Variants in SPAG17 observed in about 807,000 individuals in gnomAD.
SPAG17 encodes sperm-associated antigen 17.
A neutral mutation model predicts 273.6 loss-of-function variants in SPAG17; 169 were observed. That is an observed-to-expected ratio of 0.62 (90% CI 0.55 to 0.70). The LOEUF (loss-of-function observed/expected upper bound fraction) is 0.70, where lower values mean the gene tolerates loss of function less well. SPAG17 is among the 30% of genes least tolerant of loss of function. SPAG17 has a pLI of 0.00. For synonymous variants in SPAG17, 825 were observed against 873.2 expected (o/e 0.94, Z 0.97); for missense variants, 2,557 against 2,627.8 (o/e 0.97, Z 0.59).
chr1:118,092,183 G>T (rs1655419707), intron 8 of SPAG17, among the ~76,000 whole-genome samples, 181 bp from the exon 9 acceptor site: 1 of 152,144 alleles, frequency 6.6e-6, no homozygotes, highest in Admixed American at 6.5e-5. Context: ...AGGAAAGAAG[G>T]TAATGGTATA....
intron 20 of SPAG17, among the ~76,000 whole-genome samples, chr1:118,044,291 C>T (rs1650100000): frequency 6.6e-6 from 1 of 152,170 alleles, no homozygotes. Context: ...TCGAGACCAG[C>T]CTGGCCAACA....
chr1:118,041,748 C>A, intron 21 of SPAG17, 55 bp downstream of exon 21: 2 of 1,563,180 alleles, frequency 1.3e-6, no homozygotes, highest in Non-Finnish European at 1.7e-6. Context: ...CCGTATTTTC[C>A]CAAAACAATT....
chr1:118,155,921 A>G (rs1659624564), intron 1 of SPAG17, among the ~76,000 whole-genome samples: 1 of 152,180 alleles, frequency 6.6e-6, no homozygotes, highest in East Asian at 1.9e-4. Flanking sequence ...CAGAAGAAAT[A>G]TTTTTATTAC....
chr1:118,135,322 G>C (rs1280812644), intron 3 of SPAG17, among the ~76,000 whole-genome samples: 2 of 151,566 alleles, frequency 1.3e-5, no homozygotes, highest in East Asian at 3.9e-4. Flanking sequence ...AGAACCAAAG[G>C]AGGAATGAGC....
chr1:118,036,934 ATAAC>A (rs1427511201), intron 23 of SPAG17, 51 bp from the exon 24 acceptor site: 2 of 1,303,734 alleles, frequency 1.5e-6, no homozygotes, highest in African/African-American at 2.9e-5. Flanking sequence ...CAAAATAAAT[ATAAC>A]TAAGACTCAG....
chr1:118,045,074 T>G (rs1365865294), intron 20 of SPAG17, among the ~76,000 whole-genome samples: 3 of 152,198 alleles, frequency 2.0e-5, no homozygotes, highest in Non-Finnish European at 4.4e-5. Flanking sequence ...ATTTTTCAGA[T>G]AAGCAAAAAC....
chr1:118,180,715 C>T (rs1660902215), intron 1 of SPAG17, among the ~76,000 whole-genome samples: 1 of 151,720 alleles, frequency 6.6e-6, no homozygotes, highest in Non-Finnish European at 1.5e-5. Context: ...AAAATGTGTA[C>T]CTCTATTACG....
intron 48 of SPAG17, 66 bp downstream of exon 48, chr1:117,963,733 A>G (rs767206732): frequency 1.9e-5 from 27 of 1,449,682 alleles, no homozygotes; most frequent in Non-Finnish European, 2.3e-5. Context: ...AGGGGAAGAA[A>G]CCTGGGGTCT....
chr1:118,031,177 CTTTT>C (rs1015324627), intron 25 of SPAG17, among the ~76,000 whole-genome samples: 55 of 54,924 alleles, frequency 1.0e-3, no homozygotes, highest in African/African-American at 4.1e-3. Context: ...GAGGACTACT[CTTTT>C]TTTTTTTTTT....
chr1:118,091,793 T>C lies in SPAG17; in HGVS notation c.1247-75A>G, dbSNP rs1655389769. On this transcript the variant is annotated intron_variant, in intron 9 of 48. Transcript: ENST00000336338. ...ATTTCCATCAAAATTTCATGCATAA[T>C]TTCAAACTATGACTATGCACTAATA... 4 of 1,352,340 alleles carry C rather than the reference T, an allele frequency of 3.0e-6. No homozygotes were observed. In the South Asian group the frequency reaches 4.7e-5, roughly 16 times the overall value. 83.8% of individuals were successfully genotyped at this position (1,352,340 alleles called of 1,614,324 possible). A position where few individuals can be genotyped will look rare whatever the true frequency, so the allele number is the denominator to read the frequency against.
At position 117,971,985 on chromosome 1, in the gene SPAG17, A is replaced by G; in HGVS notation, c.6204T>C (p.Asn2068=). 1.2e-6 allele frequency: 2 copies of G among 1,614,128 alleles called. No individual in the cohort carries two copies. The highest frequency in any genetic ancestry group is 1.7e-6 in the Non-Finnish European group (2 of 1,179,966). Residue 2068 remains asparagine, a synonymous_variant, in exon 45 of 49, where the codon AAT becomes AAC. Transcript: ENST00000336338. ...TSSVASAAIN[N]AKSSLFGFHL... ...GGAACCCAAAAAGGGATGACTTTGC[A>G]TTATTAATGGCAGCAGATGCAACAG...
At position 118,086,901 on chromosome 1, in the gene SPAG17, G is replaced by C; in HGVS notation, c.1467C>G (p.Pro489=). The C allele has an allele frequency of 6.2e-7, 1 of 1,613,782 alleles. No homozygotes were observed. Among genetic ancestry groups the C allele is most frequent in the South Asian group, 1.1e-5 (1 of 91,034 alleles). Residue 489 remains proline, a synonymous_variant, in exon 11 of 49, where the codon CCC becomes CCG. Transcript: ENST00000336338. ...TCTCCCTCTCTGAGAGACAGAGTGA[G>C]GGCAGAAGGGACACAATGTGAGCTG... ...RIAAHIVSLL[P]SLCLSEREKK...
At chr1:118,000,806 C>T (rs865831636) in intron 32 of SPAG17, among the ~76,000 whole-genome samples, 3 of 152,180 alleles carry the variant, frequency 2.0e-5, no homozygotes, top group African/African-American at 7.2e-5. Context: ...AATTGAATAC[C>T]CTTTATTTCT....
Position 117,996,588 on chromosome 1 carries a change from A to G in SPAG17, c.4922+10T>C, listed in dbSNP as rs143296652. 6.1e-4 allele frequency: 977 copies of G among 1,607,554 alleles called. 4 individuals are homozygous for G. The African/African-American group carries it at 0.012, about 19-fold the overall frequency. ...GAATTAAAAGTAAAATTATAGTATTATTCTTTTACCTGGGGACATGTTCAC... is the reference window on the plus strand; with the variant it reads ...GAATTAAAAGTAAAATTATAGTATTGTTCTTTTACCTGGGGACATGTTCAC... On this transcript the variant is annotated intron_variant, in intron 33 of 48. Coordinates refer to ENST00000336338, the MANE Select transcript of SPAG17 (RefSeq NM_206996.4).
At chr1:118,166,226 G>A (rs1287650354) in intron 1 of SPAG17, among the ~76,000 whole-genome samples, 7 of 152,078 alleles carry the variant, frequency 4.6e-5, no homozygotes, top group African/African-American at 1.4e-4. Context: ...AACACACTAA[G>A]AACAACACAA....
chr1:118,048,570 T>A (rs1299360233), intron 20 of SPAG17, among the ~76,000 whole-genome samples: 3 of 151,560 alleles, frequency 2.0e-5, no homozygotes, highest in Admixed American at 6.6e-5. Flanking sequence ...AAATTGGAAA[T>A]AAAGGAGGAG....
intron 48 of SPAG17, chr1:117,955,453 G>T: frequency 1.7e-6 from 2 of 1,199,338 alleles, no homozygotes; most frequent in South Asian, 1.4e-5. Flanking sequence ...TATAATTGAT[G>T]GTTATCTTAT....
At chr1:118,046,411 C>T (rs1557952336) in intron 20 of SPAG17, among the ~76,000 whole-genome samples, 2 of 151,756 alleles carry the variant, frequency 1.3e-5, no homozygotes, top group African/African-American at 4.8e-5. Flanking sequence ...TGTAGCAACA[C>T]AAAAAAATCA....
chr1:117,988,129 T>G lies in SPAG17; in HGVS notation c.5597A>C (p.Lys1866Thr), dbSNP rs1400818675. The G allele has an allele frequency of 6.2e-7, 1 of 1,607,514 alleles. No individual in the cohort carries two copies. The highest frequency in any genetic ancestry group is 8.5e-7 in the Non-Finnish European group (1 of 1,178,060). Residue 1866 changes from lysine (K) to threonine (T), a missense_variant, in exon 39 of 49, where the codon AAA (lysine) becomes ACA (threonine). Transcript: ENST00000336338. Reference sequence around the variant, plus strand: ...CCTCCATGTCTTTTCAAAGAAATCTTTACCAAATGTGTCTGGTGGGCATTT... The same window carrying G: ...CCTCCATGTCTTTTCAAAGAAATCTGTACCAAATGTGTCTGGTGGGCATTT... ...PPKCPPDTFG[K>T]DFFEKTWRHT...
Sources: gnomAD v4.1 joint callset for allele counts (sites outside exome capture counted in the v4.1 genomes callset) on GRCh38, gnomAD v4.1.1 for gene constraint, MANE v1.5 for transcripts, NCBI Gene and HGNC (gene_info 2026-07-23, HGNC 2026-07-21) for gene names.